Variants in PARD3B observed in about 807,000 individuals in gnomAD.
PARD3B encodes the protein par-3 family cell polarity regulator beta.
PARD3B carries 103 observed loss-of-function variants against 130.2 expected under a neutral mutation model. That is an observed-to-expected ratio of 0.79 (90% CI 0.67 to 0.93). PARD3B has a LOEUF of 0.93. Among genes scored for constraint, PARD3B ranks in the 40% least tolerant of loss-of-function variants. The pLI is 0.00. For synonymous variants in PARD3B, 583 were observed against 553.2 expected, an observed-to-expected ratio of 1.05 and a Z score of -0.76; for missense variants, 1,609 against 1,499.2, an observed-to-expected ratio of 1.07 and a Z score of -1.21.
chr2:204,815,632 T>C (rs1470661838), intron 2 of PARD3B, among the ~76,000 whole-genome samples: 2 of 152,036 alleles, frequency 1.3e-5, no homozygotes, highest in Non-Finnish European at 2.9e-5. Context: ...TTTCCTCTTA[T>C]CTAATATAGG....
chr2:204,977,040 T>A (rs112954882), intron 3 of PARD3B, among the ~76,000 whole-genome samples: 1 of 152,204 alleles, frequency 6.6e-6, no homozygotes, highest in South Asian at 2.1e-4. Flanking sequence ...TCCTAAACCA[T>A]AAAATTAAAT....
chr2:205,398,704 T>C (rs1015149923), intron 18 of PARD3B, among the ~76,000 whole-genome samples: 1 of 152,198 alleles, frequency 6.6e-6, no homozygotes, highest in Admixed American at 6.5e-5. Context: ...CCAGGTGTGA[T>C]ACTCAGAGCT....
intron 2 of PARD3B, among the ~76,000 whole-genome samples, chr2:204,719,920 T>G (rs1011409872): frequency 6.6e-6 from 1 of 152,202 alleles, no homozygotes; most frequent in Non-Finnish European, 1.5e-5. Flanking sequence ...TCAGGAAGAA[T>G]GTATCCATTC....
At chr2:205,486,334 G>C (rs2049441437) in intron 20 of PARD3B, among the ~76,000 whole-genome samples, 1 of 152,132 alleles carries the variant, frequency 6.6e-6, no homozygotes, top group Admixed American at 6.5e-5. Context: ...AAGGCCCTAG[G>C]GTTAGCAGAG....
At chr2:205,039,386 G>C (rs143259386) in intron 3 of PARD3B, among the ~76,000 whole-genome samples, 2 of 152,196 alleles carry the variant, frequency 1.3e-5, no homozygotes, top group South Asian at 2.1e-4. Flanking sequence ...TTTCCTCTCA[G>C]GTACTCAGCT....
intron 4 of PARD3B, among the ~76,000 whole-genome samples, chr2:205,054,402 T>TATATATATATA (rs1559392745): frequency 4.1e-4 from 16 of 39,258 alleles, no homozygotes; most frequent in Non-Finnish European, 5.2e-4. Flanking sequence ...ATGACATGTC[T>TATATATATATA]TTTATATATA....
At chr2:204,681,464 T>C (rs1167549735) in intron 1 of PARD3B, among the ~76,000 whole-genome samples, 1 of 152,222 alleles carries the variant, frequency 6.6e-6, no homozygotes, top group East Asian at 1.9e-4. Context: ...CCCATGTTCT[T>C]CTACTAGGCT....
At chr2:205,503,948 A>C (rs1220682877) in intron 21 of PARD3B, among the ~76,000 whole-genome samples, 1 of 152,100 alleles carries the variant, frequency 6.6e-6, no homozygotes, top group East Asian at 1.9e-4. Flanking sequence ...TGTGAATGGG[A>C]GTTCACTCAT....
chr2:205,057,634 T>C (rs987848955), intron 4 of PARD3B, among the ~76,000 whole-genome samples: 3 of 145,258 alleles, frequency 2.1e-5, no homozygotes, highest in Non-Finnish European at 4.5e-5. Flanking sequence ...CGTATATATA[T>C]ACATATATGT....
chr2:205,110,123 G>C (rs747349878), intron 5 of PARD3B, among the ~76,000 whole-genome samples: 1 of 151,980 alleles, frequency 6.6e-6, no homozygotes, highest in Admixed American at 6.6e-5. Context: ...AATTACCCCC[G>C]GCTCCCCATC....
intron 21 of PARD3B, among the ~76,000 whole-genome samples, chr2:205,542,354 TTG>T (rs143438143): frequency 5.5e-4 from 80 of 145,202 alleles, no homozygotes; most frequent in African/African-American, 1.4e-3. Flanking sequence ...TAGTTTGTGT[TTG>T]TGTGTGTGTG....
chr2:205,344,100 C>G (rs529143783), intron 18 of PARD3B, among the ~76,000 whole-genome samples: 23 of 151,842 alleles, frequency 1.5e-4, no homozygotes, highest in African/African-American at 5.6e-4. Flanking sequence ...GGTGTTTGAT[C>G]TTTTAATGGT....
At chr2:204,785,415 G>A (rs988591405) in intron 2 of PARD3B, among the ~76,000 whole-genome samples, 2 of 152,044 alleles carry the variant, frequency 1.3e-5, no homozygotes, top group African/African-American at 4.8e-5. Context: ...TCTTACCTCT[G>A]CTCTTGGCTG....
chr2:205,488,045 T>A (rs1048261700), intron 20 of PARD3B, among the ~76,000 whole-genome samples: 1 of 152,206 alleles, frequency 6.6e-6, no homozygotes, highest in Non-Finnish European at 1.5e-5. Context: ...TTTTAATCAA[T>A]ATTTTGCTAA....
intron 5 of PARD3B, among the ~76,000 whole-genome samples, chr2:205,110,647 T>TTGGTAAGTGGC (rs1703570879): frequency 6.6e-6 from 1 of 151,412 alleles, no homozygotes; most frequent in African/African-American, 2.4e-5. Flanking sequence ...TTTTGTTTTT[T>TTGGTAAGTGGC]TTGTAAGTGG....
In PARD3B at chr2:204,606,794, G is replaced by A. The variant is rs2033739925; in HGVS notation, c.120+60675G>A. 6.6e-6 allele frequency among the ~76,000 whole-genome samples: 1 copy of A among 152,120 alleles called. No individual in the cohort carries two copies. Among genetic ancestry groups the A allele is most frequent in the Non-Finnish European group, 1.5e-5 (1 of 68,024 alleles). ...AATTCAATTCAGTTAAGACTACTGA[G>A]AGTCCTTTATATCTCGTTTGGAGGC... On this transcript the variant is annotated intron_variant, in intron 1 of 22. Coordinates refer to ENST00000406610, the MANE Select transcript of PARD3B (RefSeq NM_001302769.2). The surrounding 1 kb of genome is among the most constrained non-coding windows in gnomAD (Gnocchi z 4.0).
intron 4 of PARD3B, among the ~76,000 whole-genome samples, chr2:205,054,436 ATTTTTTTTTTTTT>A (rs769918623): frequency 1.1e-4 from 3 of 28,438 alleles, no homozygotes; most frequent in Non-Finnish European, 1.7e-4. Flanking sequence ...ATATATATAT[ATTTTTTTTTTTTT>A]TTTTTTTTAA....
At chr2:205,567,481 A>ATT (rs61638177) in intron 22 of PARD3B, among the ~76,000 whole-genome samples, 4 of 113,486 alleles carry the variant, frequency 3.5e-5, no homozygotes, top group Admixed American at 9.5e-5. Context: ...TGCCCGGTTA[A>ATT]TTTTTTTTTT....
chr2:204,671,713 A>G (rs1276528217), intron 1 of PARD3B, among the ~76,000 whole-genome samples: 1 of 152,200 alleles, frequency 6.6e-6, no homozygotes, highest in Non-Finnish European at 1.5e-5. Flanking sequence ...TAATGACTGT[A>G]ACTGTGGATG....
Sources: allele counts gnomAD v4.1 joint callset (sites outside exome capture counted in the v4.1 genomes callset), GRCh38; gene constraint gnomAD v4.1.1; non-coding constraint Gnocchi (gnomAD v3.1); transcripts MANE v1.5; gene names NCBI Gene and HGNC (gene_info 2026-07-23, HGNC 2026-07-21).